TSNARE1: variants seen among roughly 807,000 people sequenced by gnomAD.
TSNARE1 encodes the protein t-SNARE domain-containing protein 1.
In TSNARE1, 49 loss-of-function variants were observed where a neutral mutation model predicts 62.0. The ratio of observed to expected loss-of-function variants is 0.79; its 90% CI spans 0.63 to 1.00. TSNARE1 has a LOEUF of 1.00. Ranked by LOEUF, TSNARE1 falls within the 50% of genes least tolerant of loss-of-function variation. The pLI, the probability that TSNARE1 is intolerant of heterozygous loss-of-function variation, is 0.00. For missense variants in TSNARE1, 755 were observed against 700.1 expected (o/e 1.08, Z -0.88); for synonymous variants, 328 against 294.4 (o/e 1.11, Z -1.17).
chr8:142,352,234 CAG>C (rs1343204810), intron 2 of TSNARE1, among the ~76,000 whole-genome samples: 1 of 152,238 alleles, frequency 6.6e-6, no homozygotes, highest in Non-Finnish European at 1.5e-5. Context: ...AGCAGACAAA[CAG>C]TGCTCACTGG....
intron 3 of TSNARE1, 141 bp from the exon 4 acceptor site, chr8:142,344,613 C>T (rs1563957084): frequency 1.1e-6 from 1 of 914,346 alleles, no homozygotes; most frequent in Non-Finnish European, 1.6e-6. Flanking sequence ...CCCCTCCCTG[C>T]TGGGTGTCCA....
At chr8:142,282,750 AAGGCGGGGTCAGTGTCTGCCAATGAGCAG>A (rs1460821227) in intron 11 of TSNARE1, among the ~76,000 whole-genome samples, 9 of 89,734 alleles carry the variant, frequency 1.0e-4, no homozygotes, top group East Asian at 6.4e-4. Context: ...TCTAAGGGCA[AAGGCGGGGTCAGTGTCTGCCAATGAGCAG>A]AGGCGGGGTC....
chr8:142,351,794 A>G (rs1294425161), intron 2 of TSNARE1, among the ~76,000 whole-genome samples: 1 of 152,248 alleles, frequency 6.6e-6, no homozygotes, highest in Admixed American at 6.5e-5. Context: ...TTTATCACAG[A>G]GCTGTCACTG....
At position 142,229,402 on chromosome 8, in the gene TSNARE1, G is replaced by A; in HGVS notation, c.*11+71C>T. The A allele has an allele frequency of 7.3e-6, 9 of 1,229,346 alleles. No individual in the cohort carries two copies. The South Asian group carries it at 9.7e-5, about 13-fold the overall frequency. 76.2% of individuals were successfully genotyped at this position (1,229,346 alleles called of 1,614,324 possible). On this transcript the variant is annotated intron_variant, in intron 13 of 13. Coordinates refer to ENST00000524325, the MANE Select transcript of TSNARE1 (RefSeq NM_145003.5). The stretch of plus-strand genomic sequence containing the variant: ...TGGATGGTGGATGGTTAGATGGATG[G>A]TGGATAGGTGAATGAATGGATGGTG...
rs188109695 is a variant in TSNARE1 at position 142,369,028 on chromosome 8, G to A, written c.-39-14265C>T. The stretch of plus-strand genomic sequence containing the variant: ...AGGGAAGGGTCACTGTGAAACCCCC[G>A]CTCCCCAGACCAGGCCTGCCTGAGA... On this transcript the variant is annotated intron_variant, in intron 1 of 13. Coordinates refer to ENST00000524325, the MANE Select transcript of TSNARE1 (RefSeq NM_145003.5). Among the ~76,000 whole-genome samples the A allele has an allele frequency of 6.6e-5, 10 of 152,296 alleles. No homozygotes were observed. In the East Asian group the frequency reaches 9.6e-4, roughly 15 times the overall value.
chr8:142,263,615 A>C (rs909696245), intron 12 of TSNARE1, among the ~76,000 whole-genome samples: 1 of 152,226 alleles, frequency 6.6e-6, no homozygotes, highest in Non-Finnish European at 1.5e-5. Flanking sequence ...CGCTTTAAAA[A>C]TCATCTGGGT....
chr8:142,276,773 G>A, intron 11 of TSNARE1: 1 of 985,386 alleles, frequency 1.0e-6, no homozygotes, highest in Non-Finnish European at 1.2e-6. Context: ...GGGGACTGAT[G>A]TCCTGCTGCT....
rs560163730 is a variant in TSNARE1, at chr8:142,328,902, C to A, written c.893+1999G>T. Among the ~76,000 whole-genome samples the A allele has an allele frequency of 6.1e-4, 93 of 152,118 alleles. 1 individual carries two copies. The South Asian group carries it at 0.015, about 25-fold the overall frequency. On this transcript the variant is annotated intron_variant, in intron 6 of 13. Transcript: ENST00000524325. ...CATGGGATCAGAGAAATGGGCCCCA[C>A]CTGGTGAGGTTTTTCTGAAGCTGAA...
At chr8:142,237,797 CCT>C (rs1311289467) in intron 12 of TSNARE1, among the ~76,000 whole-genome samples, 1 of 152,168 alleles carries the variant, frequency 6.6e-6, no homozygotes, top group African/African-American at 2.4e-5. Context: ...CTCTCCTGGA[CCT>C]CTCTCTCCCG....
intron 12 of TSNARE1, chr8:142,270,260 G>A (rs1327859076): frequency 1.0e-6 from 1 of 985,336 alleles, no homozygotes; most frequent in East Asian, 1.1e-4. Flanking sequence ...GGAGGAAGAA[G>A]GATCTGAAGA....
chr8:142,309,504 G>C (rs1827241572), intron 9 of TSNARE1, among the ~76,000 whole-genome samples: 1 of 152,086 alleles, frequency 6.6e-6, no homozygotes, highest in African/African-American at 2.4e-5. Flanking sequence ...TTTTCTATCT[G>C]TTGAAATGAC....
chr8:142,332,132 T>C lies in TSNARE1; in HGVS notation c.746-301A>G, dbSNP rs562663718. Among the ~76,000 whole-genome samples the C allele has an allele frequency of 2.0e-5, 3 of 152,324 alleles. No individual in the cohort carries two copies. In the South Asian group the frequency reaches 6.2e-4, roughly 32 times the overall value. ...GCAGCTGGCGTGTGTGCCCGGAAGC[T>C]ACGAGCACCTGCACGTGGAGGCTCA... On this transcript the variant is annotated intron_variant, in intron 4 of 13. Transcript: ENST00000524325.
chr8:142,222,923 T>TCCACTCATTCAC (rs1159574853), intron 13 of TSNARE1, among the ~76,000 whole-genome samples: 3 of 50,088 alleles, frequency 6.0e-5, no homozygotes. Context: ...CATTCACTCA[T>TCCACTCATTCAC]TCACTCATCC....
intron 13 of TSNARE1, among the ~76,000 whole-genome samples, chr8:142,226,521 G>A (rs936925182): frequency 3.9e-5 from 6 of 152,156 alleles, no homozygotes; most frequent in Non-Finnish European, 8.8e-5. Context: ...TCAGAGCTGG[G>A]AGGGGGACCC....
rs897638429 is a variant in TSNARE1 at position 142,344,096 on chromosome 8, C to T, written c.615G>A (p.Ala205=). 17 of 1,609,968 alleles carry T rather than the reference C, an allele frequency of 1.1e-5. No homozygotes were observed. Among genetic ancestry groups the T allele is most frequent in the East Asian group, 2.2e-5 (1 of 44,794 alleles). Residue 205 remains alanine, a synonymous_variant, in exon 4 of 14, where the codon GCG becomes GCA. Transcript: ENST00000524325. ...VRRKLGDLRK[A]AHGPSPGSGK... ...CGGAACCAGGGCTGGGGCCATGGGC[C>T]GCCTTCCGGAGGTCGCCCAGCTTGC...
intron 11 of TSNARE1, chr8:142,279,835 C>G: frequency 7.9e-6 from 8 of 1,014,034 alleles, no homozygotes; most frequent in Non-Finnish European, 9.5e-6. Context: ...TCCGGGGGGG[C>G]GGGCTGTGGG....
intron 9 of TSNARE1, among the ~76,000 whole-genome samples, chr8:142,313,848 A>C (rs1253693370): frequency 6.6e-6 from 1 of 152,136 alleles, no homozygotes; most frequent in Non-Finnish European, 1.5e-5. Flanking sequence ...ATCTCGGCTC[A>C]CTGGAACCTC....
chr8:142,247,626 G>A (rs1270719684), intron 12 of TSNARE1: 1 of 152,144 alleles, frequency 6.6e-6, no homozygotes, highest in East Asian at 1.9e-4. Flanking sequence ...GGAGTGGGGT[G>A]GCTATTCGCA....
At chr8:142,274,072 C>A (rs1370356598) in intron 12 of TSNARE1, 9 of 985,274 alleles carry the variant, frequency 9.1e-6, no homozygotes, top group Non-Finnish European at 1.1e-5. Flanking sequence ...CCATGCCACC[C>A]TCACCTTGCT....
Sources: gnomAD v4.1 joint callset for allele counts (sites outside exome capture counted in the v4.1 genomes callset) on GRCh38, gnomAD v4.1.1 for gene constraint, MANE v1.5 for transcripts, NCBI Gene and HGNC (gene_info 2026-07-23, HGNC 2026-07-21) for gene names.